The following RAB28 variants were observed in gnomAD, a reference collection of about 807,000 sequenced individuals.
RAB28 encodes the protein ras-related protein Rab-28.
Under a neutral mutation model 31.7 loss-of-function variants are expected in RAB28, and 24 were observed. The observed-to-expected ratio is 0.76, with a 90% CI of 0.55 to 1.06. RAB28 has a LOEUF of 1.06. RAB28 is among the 50% of genes least tolerant of loss of function. The probability of loss-of-function intolerance (pLI) is 0.00; values close to 1 mark genes in which losing one functional copy is unlikely to be tolerated. For synonymous variants in RAB28, 100 were observed against 90.4 expected, an observed-to-expected ratio of 1.11 and a Z score of -0.60; for missense variants, 254 against 258.5, an observed-to-expected ratio of 0.98 and a Z score of 0.12.
intron 4 of RAB28, among the ~76,000 whole-genome samples, chr4:13,446,829 C>T (rs571720314): frequency 6.6e-6 from 1 of 152,262 alleles, no homozygotes; most frequent in South Asian, 2.1e-4. Flanking sequence ...CTACATCTTA[C>T]CCTGGAATTA....
chr4:13,422,010 A>G (rs952680207), intron 4 of RAB28, among the ~76,000 whole-genome samples: 3 of 152,170 alleles, frequency 2.0e-5, no homozygotes, highest in Admixed American at 2.0e-4. Flanking sequence ...CATTTGACAA[A>G]AGGCTAATAT....
rs939399771 is a variant in RAB28, at chr4:13,427,635, T to C, written c.391+33064A>G. On this transcript the variant is annotated intron_variant, in intron 4 of 6. Coordinates refer to ENST00000330852, the MANE Select transcript of RAB28 (RefSeq NM_001017979.3). ...ATCTGTATGGGTTTCCTTCAGTATA[T>C]TTTTTACTACTAAGCTGCACGTGAA... Among the ~76,000 whole-genome samples, 6 of 152,284 alleles carry C rather than the reference T, an allele frequency of 3.9e-5. No homozygotes were observed. The South Asian group carries it at 1.2e-3, about 32-fold the overall frequency.
intron 3 of RAB28, chr4:13,474,106 CAG>C (rs1242748938): frequency 1.4e-6 from 1 of 705,530 alleles, no homozygotes; most frequent in African/African-American, 1.7e-5. Context: ...GAAAGCTGTT[CAG>C]AGTTTTCCTG....
intron 2 of RAB28, among the ~76,000 whole-genome samples, chr4:13,474,873 A>C (rs1221866942): frequency 1.3e-5 from 2 of 151,600 alleles, no homozygotes; most frequent in Admixed American, 1.3e-4. Flanking sequence ...AACTACAAAA[A>C]TGCACCCATA....
At chr4:13,371,880 G>A in intron 6 of RAB28, 1 of 1,523,950 alleles carries the variant, frequency 6.6e-7, no homozygotes, top group Non-Finnish European at 8.9e-7. Context: ...AAGAGGAAAA[G>A]AGTTATATGG....
chr4:13,468,429 T>G (rs928937176), intron 3 of RAB28, among the ~76,000 whole-genome samples: 1 of 151,892 alleles, frequency 6.6e-6, no homozygotes, highest in Non-Finnish European at 1.5e-5. Flanking sequence ...GTAAAATAGC[T>G]TTAAAAACTC....
chr4:13,420,769 A>G (rs1031855959), intron 4 of RAB28, among the ~76,000 whole-genome samples: 6 of 152,226 alleles, frequency 3.9e-5, no homozygotes, highest in Non-Finnish European at 8.8e-5. Flanking sequence ...AAATAATGAG[A>G]GCTATTTATG....
intron 3 of RAB28, among the ~76,000 whole-genome samples, chr4:13,466,825 A>G (rs1007240180): frequency 6.6e-6 from 1 of 151,910 alleles, no homozygotes; most frequent in African/African-American, 2.4e-5. Flanking sequence ...TGATGTATAT[A>G]TGCATAACGG....
intron 4 of RAB28, among the ~76,000 whole-genome samples, chr4:13,459,004 A>G (rs1577234423): frequency 2.0e-5 from 3 of 152,164 alleles, no homozygotes; most frequent in Admixed American, 2.0e-4. Flanking sequence ...AGGCAGACTC[A>G]CCCTCAATCT....
intron 6 of RAB28, among the ~76,000 whole-genome samples, chr4:13,368,853 GCTA>G (rs1728613199): frequency 6.6e-6 from 1 of 151,562 alleles, no homozygotes; most frequent in African/African-American, 2.4e-5. Flanking sequence ...TGGCAACTCA[GCTA>G]CTGAGTTGTC....
chr4:13,455,352 G>A (rs1296281646), intron 4 of RAB28, among the ~76,000 whole-genome samples: 2 of 152,206 alleles, frequency 1.3e-5, no homozygotes, highest in African/African-American at 4.8e-5. Context: ...GCCCTGGGGA[G>A]GACTGCCAGA....
chr4:13,424,633 T>C (rs1251525434), intron 4 of RAB28, among the ~76,000 whole-genome samples: 2 of 152,200 alleles, frequency 1.3e-5, no homozygotes, highest in African/African-American at 4.8e-5. Flanking sequence ...CCTATTTCAC[T>C]GAGAAACTAC....
chr4:13,407,182 T>C (rs1712148634), intron 4 of RAB28, among the ~76,000 whole-genome samples: 1 of 152,232 alleles, frequency 6.6e-6, no homozygotes, highest in African/African-American at 2.4e-5. Context: ...TTAATTTTTG[T>C]ATAAGGTGTA....
intron 4 of RAB28, among the ~76,000 whole-genome samples, chr4:13,419,026 C>T (rs748390848): frequency 6.6e-6 from 1 of 152,002 alleles, no homozygotes; most frequent in Non-Finnish European, 1.5e-5. Context: ...CAGAGACACA[C>T]ATAGGCTCAA....
At chr4:13,378,379 T>C (rs2108879670) in intron 5 of RAB28, among the ~76,000 whole-genome samples, 1 of 152,220 alleles carries the variant, frequency 6.6e-6, no homozygotes, top group Middle Eastern at 3.4e-3. Context: ...AGGCCATTGA[T>C]GACGTGAATA....
chr4:13,420,120 T>C (rs1426744408), intron 4 of RAB28, among the ~76,000 whole-genome samples: 1 of 152,192 alleles, frequency 6.6e-6, no homozygotes, highest in Non-Finnish European at 1.5e-5. Flanking sequence ...CGGAGAATAC[T>C]ATAAACATCT....
At chr4:13,370,407 C>G (rs1379605729) in intron 6 of RAB28, 37 of 854,866 alleles carry the variant, frequency 4.3e-5, no homozygotes, top group Non-Finnish European at 5.1e-5. Context: ...ATACTATGTG[C>G]CAGTCACTCT....
At chr4:13,483,010 A>G (rs1716680799) in intron 1 of RAB28, among the ~76,000 whole-genome samples, 1 of 152,266 alleles carries the variant, frequency 6.6e-6, no homozygotes, top group South Asian at 2.1e-4. Context: ...TCTTTAGACT[A>G]TGGTTGGGAT....
chr4:13,368,186 A>C lies in RAB28; in HGVS notation c.*372T>G. 1 of 990,940 alleles carries C rather than the reference A, an allele frequency of 1.0e-6. No individual in the cohort carries two copies. Among genetic ancestry groups the C allele is most frequent in the South Asian group, 4.7e-5 (1 of 21,476 alleles). The allele number at this position is 990,940 out of a possible 1,614,324, so 61.4% of individuals were successfully genotyped here. On this transcript the variant is annotated 3_prime_UTR_variant, in exon 7 of 7. Coordinates refer to ENST00000330852, the MANE Select transcript of RAB28 (RefSeq NM_001017979.3). ...ATACAAGTTCCGATAAGAGAATGAAATTGCTGTGGCAAAATCCTGGCTGAT... is the reference window on the plus strand; with the variant it reads ...ATACAAGTTCCGATAAGAGAATGAACTTGCTGTGGCAAAATCCTGGCTGAT...
Sources: gnomAD v4.1 joint callset for allele counts (sites outside exome capture counted in the v4.1 genomes callset) on GRCh38, gnomAD v4.1.1 for gene constraint, MANE v1.5 for transcripts, NCBI Gene and HGNC (gene_info 2026-07-23, HGNC 2026-07-21) for gene names.